The following CTBP1 variants were observed in gnomAD, a reference collection of about 807,000 sequenced individuals.
CTBP1 encodes the protein C-terminal binding protein 1, also known as C-terminal-binding protein 1.
Under a neutral mutation model 42.1 loss-of-function variants are expected in CTBP1, and 11 were observed. The ratio of observed to expected loss-of-function variants is 0.26; its 90% CI spans 0.16 to 0.43. CTBP1 has a LOEUF of 0.43. CTBP1 is among the 20% of genes least tolerant of loss of function. CTBP1 has a pLI of 1.00. For missense variants in CTBP1, 399 were observed against 624.3 expected (o/e 0.64, Z 3.85); for synonymous variants, 324 against 277.1 (o/e 1.17, Z -1.68).
intron 3 of CTBP1, chr4:1,237,869 G>A (rs1427478239): frequency 1.0e-5 from 7 of 699,946 alleles, no homozygotes; most frequent in South Asian, 7.4e-5. Flanking sequence ...CCTCCTGATG[G>A]GGCACAGGGC....
Position 1,212,429 on chromosome 4 carries a change from G to T in CTBP1, c.1107-6C>A. The T allele has an allele frequency of 6.9e-7, 1 of 1,444,554 alleles. No individual in the cohort carries two copies. Among genetic ancestry groups the T allele is most frequent in the East Asian group, 2.8e-5 (1 of 36,046 alleles). 89.5% of individuals were successfully genotyped at this position (1,444,554 alleles called of 1,614,324 possible). ...CCACCACGCCCGGAGGGTACCTGCT[G>T]GGAGAGGGTCCATCCGTGAGGCCCA... On this transcript the variant is annotated splice_region_variant and splice_polypyrimidine_tract_variant and intron_variant, in intron 9 of 9. Transcript: ENST00000382952.
intron 5 of CTBP1, among the ~76,000 whole-genome samples, chr4:1,220,906 T>C (rs1308520838): frequency 6.6e-6 from 1 of 152,198 alleles, no homozygotes; most frequent in South Asian, 2.1e-4. Context: ...CGGATGACCC[T>C]GGGGTAAACA....
rs758214276 is a variant in CTBP1 at position 1,228,226 on chromosome 4, T to C, written c.280A>G (p.Ile94Val). The C allele has an allele frequency of 1.1e-5, 17 of 1,614,158 alleles. No homozygotes were observed. The highest frequency in any genetic ancestry group is 1.4e-5 in the Non-Finnish European group (16 of 1,180,004). Residue 94 changes from isoleucine to valine, a missense_variant, in exon 4 of 10, where the codon ATC becomes GTC. Physicochemically the swap from Ile to Val is conservative, Grantham distance 29. Around this residue, in one of 4 missense-constraint regions of CTBP1, gnomAD observed 309 missense variants for 497.5 expected, o/e 0.62. Transcript: ENST00000382952. ...IVRIGSGFDN[I>V]DIKSAGDLGI... Reference sequence around the variant, plus strand: ...AAATCCCCGGCCGACTTGATGTCGATGTTGTCAAAACCACTGCCAATCCGG... The same window carrying C: ...AAATCCCCGGCCGACTTGATGTCGACGTTGTCAAAACCACTGCCAATCCGG...
rs1577074511 is a variant in CTBP1, at chr4:1,241,199, G to A, written c.7+126C>T. The A allele has an allele frequency of 3.9e-6, 3 of 762,830 alleles. No individual in the cohort carries two copies. In the East Asian group the frequency reaches 7.3e-5, roughly 19 times the overall value. The allele number at this position is 762,830 out of a possible 1,614,324, so 47.3% of individuals were successfully genotyped here. ...AGAGCACACCGGGGGTCAGGTGGCA[G>A]CAGTCCGGCCCGACGCCCATGCAGC... On this transcript the variant is annotated intron_variant, in intron 2 of 9. Transcript: ENST00000382952.
rs554744034 is a variant in CTBP1 at position 1,237,919 on chromosome 4, G to C, written c.162+264C>G. On this transcript the variant is annotated intron_variant, in intron 3 of 9. Coordinates refer to ENST00000382952, the MANE Select transcript of CTBP1 (RefSeq NM_001012614.2). ...CCTCCTGATGGGGCTCAGGACAAAC[G>C]TGGTGTCCACCTCCTGATGGGGCAC... 3.2e-5 allele frequency: 17 copies of C among 533,998 alleles called. No individual in the cohort carries two copies. The highest frequency in any genetic ancestry group is 5.1e-5 in the Non-Finnish European group (15 of 296,000). 33.1% of individuals were successfully genotyped at this position (533,998 alleles called of 1,614,324 possible).
At chr4:1,239,002 C>T (rs1731873215) in intron 2 of CTBP1, among the ~76,000 whole-genome samples, 1 of 152,160 alleles carries the variant, frequency 6.6e-6, no homozygotes, top group African/African-American at 2.4e-5. Context: ...CGTAGGACGC[C>T]CCCAACCCTC....
At chr4:1,248,869 G>T (rs1733061367) in intron 1 of CTBP1, 47 bp downstream of exon 1, 1 of 319,328 alleles carries the variant, frequency 3.1e-6, no homozygotes, top group Non-Finnish European at 4.3e-6. Context: ...CACCCGCCCC[G>T]CCCCGCCCCC....
intron 2 of CTBP1, among the ~76,000 whole-genome samples, chr4:1,241,120 C>T (rs1465774876): frequency 6.6e-6 from 1 of 152,230 alleles, no homozygotes; most frequent in East Asian, 1.9e-4. Flanking sequence ...CACAGCTGTG[C>T]TCTGCCACCA....
At chr4:1,244,798 T>C in intron 1 of CTBP1, 1 of 985,352 alleles carries the variant, frequency 1.0e-6, no homozygotes, top group Non-Finnish European at 1.2e-6. Context: ...CATCTGGGCA[T>C]TGGTGAGATG....
rs909526273 is a variant in CTBP1, at chr4:1,233,467, C to T, written c.162+4716G>A. On this transcript the variant is annotated intron_variant, in intron 3 of 9. Transcript: ENST00000382952. This position sits in a 1 kb window ranked among gnomAD's most constrained non-coding sequence, Gnocchi z 4.6. ...CAGGCCACTGCGTCCTGTGCCCTCC[C>T]GGAGCCGCCCTGCCGCTCCAGGCCC... 8.5e-5 allele frequency among the ~76,000 whole-genome samples: 13 copies of T among 152,324 alleles called. No homozygotes were observed. Among genetic ancestry groups the T allele is most frequent in the African/African-American group, 1.2e-4 (5 of 41,582 alleles).
intron 1 of CTBP1, 95 bp from the exon 2 acceptor site, chr4:1,241,614 G>C (rs1732184148): frequency 2.2e-5 from 32 of 1,442,494 alleles, no homozygotes; most frequent in Non-Finnish European, 2.9e-5. Flanking sequence ...GGACCTCACT[G>C]CATCTGCCAC....
chr4:1,219,801 A>G (rs1729537237), intron 5 of CTBP1, among the ~76,000 whole-genome samples: 3 of 152,224 alleles, frequency 2.0e-5, no homozygotes, highest in Admixed American at 2.0e-4. Context: ...GCACTAGGAT[A>G]ACAGGCACAA....
At chr4:1,241,983 C>A (rs1256685106) in intron 1 of CTBP1, 1 of 1,008,448 alleles carries the variant, frequency 9.9e-7, no homozygotes. Context: ...TGGAACTTCC[C>A]AGGAGCCACC....
chr4:1,213,379 C>T, intron 8 of CTBP1, 99 bp downstream of exon 8: 1 of 1,566,162 alleles, frequency 6.4e-7, no homozygotes, highest in Non-Finnish European at 8.6e-7. Flanking sequence ...CCTGAGCTGG[C>T]AGAACATGGG....
intron 5 of CTBP1, chr4:1,221,819 A>G (rs1243616313): frequency 8.9e-6 from 4 of 447,482 alleles, no homozygotes; most frequent in Admixed American, 7.2e-5. Context: ...GTGAATGTGT[A>G]CAATGTTTTC....
At chr4:1,230,867 G>A (rs1050414873) in intron 3 of CTBP1, among the ~76,000 whole-genome samples, 1 of 152,228 alleles carries the variant, frequency 6.6e-6, no homozygotes, top group Non-Finnish European at 1.5e-5. Context: ...AGCGTGCGCC[G>A]GCCAAGGGCC....
rs1223269528 is a variant in CTBP1 at position 1,233,587 on chromosome 4, TCTC to T, written c.162+4593_162+4595del. Among the ~76,000 whole-genome samples, 3 of 152,070 alleles carry T rather than the reference TCTC, an allele frequency of 2.0e-5. No homozygotes were observed. Among genetic ancestry groups the T allele is most frequent in the South Asian group, 4.1e-4 (2 of 4,822 alleles). On this transcript the variant is annotated intron_variant, in intron 3 of 9. Coordinates refer to ENST00000382952, the MANE Select transcript of CTBP1 (RefSeq NM_001012614.2). The surrounding 1 kb of genome is among the most constrained non-coding windows in gnomAD (Gnocchi z 4.6). ...TGTGCAGTGCTGGGCTGAAAACCCT[TCTC>T]CTGTGGAAATTCCAAAGCAGGCGAG...
chr4:1,234,871 G>A (rs950256883), intron 3 of CTBP1: 2 of 152,218 alleles, frequency 1.3e-5, no homozygotes, highest in African/African-American at 4.8e-5. Context: ...ATGCCCACGT[G>A]ACGTGCCAAC....
At chr4:1,226,178 C>G (rs1400455669) in intron 4 of CTBP1, among the ~76,000 whole-genome samples, 1 of 152,156 alleles carries the variant, frequency 6.6e-6, no homozygotes, top group Non-Finnish European at 1.5e-5. Context: ...CCCTACTCCC[C>G]GCTCCCGGCC....
Sources: allele counts gnomAD v4.1 joint callset (sites outside exome capture counted in the v4.1 genomes callset), GRCh38; gene constraint gnomAD v4.1.1; regional missense constraint gnomAD v4.1.1; non-coding constraint Gnocchi (gnomAD v3.1); transcripts MANE v1.5; gene names NCBI Gene and HGNC (gene_info 2026-07-23, HGNC 2026-07-21).